Variants in LGALS2 observed in about 807,000 individuals in gnomAD.
LGALS2 encodes the protein galectin-2.
A neutral mutation model predicts 10.1 loss-of-function variants in LGALS2; 7 were observed. The observed-to-expected ratio is 0.70, with a 90% CI of 0.40 to 1.31. LGALS2 has a LOEUF of 1.31. Among genes scored for constraint, LGALS2 ranks in the 50% most tolerant of loss-of-function variants. The pLI is 0.01. For synonymous variants in LGALS2, 86 were observed against 64.2 expected (o/e 1.34, Z -1.63); for missense variants, 167 against 163.6 (o/e 1.02, Z -0.11).
chr22:37,579,790 G>A (rs1311534570), intron 1 of LGALS2, 110 bp downstream of exon 1: 4 of 1,191,608 alleles, frequency 3.4e-6, no homozygotes, highest in Admixed American at 2.3e-5. Flanking sequence ...GCACAGATGG[G>A]GAAACTGAGG....
chr22:37,571,965 C>T (rs1387179446), intron 1 of LGALS2, 34 bp from the exon 2 acceptor site: 3 of 1,569,422 alleles, frequency 1.9e-6, no homozygotes, highest in South Asian at 1.1e-5. Flanking sequence ...ACTCGAGTCC[C>T]CACAGAAAAT....
intron 2 of LGALS2, 26 bp from the exon 3 acceptor site, chr22:37,570,761 G>A (rs1301643560): frequency 4.3e-6 from 7 of 1,613,918 alleles, no homozygotes; most frequent in Non-Finnish European, 5.9e-6. Context: ...TAGCAGGTGA[G>A]GTTCAGGGCT....
At chr22:37,579,263 A>ACAAAAG in intron 1 of LGALS2, among the ~76,000 whole-genome samples, 1 of 121,278 alleles carries the variant, frequency 8.2e-6, no homozygotes, top group South Asian at 2.8e-4. Flanking sequence ...AAAAAAAAAA[A>ACAAAAG]AGAGAAAGAA....
chr22:37,570,596 T>C lies in LGALS2; in HGVS notation c.229A>G (p.Ser77Gly). 6.2e-7 allele frequency: 1 copy of C among 1,614,252 alleles called. No homozygotes were observed. Among genetic ancestry groups the C allele is most frequent in the Non-Finnish European group, 8.5e-7 (1 of 1,180,050 alleles). Residue 77 changes from serine to glycine, a missense_variant, in exon 3 of 4, where the codon AGC becomes GGC. By Grantham distance (56) the Ser-to-Gly change is moderately conservative. Transcript: ENST00000215886. ...CTCACCTTGACCTCTGACCCTGGGC[T>C]GAAGCACAGGTGATCTTCCCGTTGT... ...QEQREDHLCFSPGSEVKFTVT... is the reference protein window; with the variant it reads ...QEQREDHLCFGPGSEVKFTVT...
intron 1 of LGALS2, among the ~76,000 whole-genome samples, chr22:37,574,730 C>T (rs1925615885): frequency 6.6e-6 from 1 of 151,982 alleles, no homozygotes; most frequent in South Asian, 2.1e-4. Flanking sequence ...TGCCAGAAGT[C>T]AAGGGGGCAG....
At chr22:37,570,873 G>A in intron 2 of LGALS2, 138 bp from the exon 3 acceptor site, 1 of 900,872 alleles carries the variant, frequency 1.1e-6, no homozygotes, top group East Asian at 2.6e-5. Flanking sequence ...AAACAAGGGA[G>A]GTAACAACCT....
At chr22:37,579,841 C>A in intron 1 of LGALS2, 59 bp downstream of exon 1, 1 of 1,575,780 alleles carries the variant, frequency 6.3e-7, no homozygotes, top group African/African-American at 1.3e-5. Flanking sequence ...AAAGCCCCCA[C>A]CCAGGCAAAG....
At position 37,579,484 on chromosome 22, in the gene LGALS2, G is replaced by C. The variant is rs371616137; in HGVS notation, c.6+416C>G. Among the ~76,000 whole-genome samples, 148 of 152,142 alleles carry C rather than the reference G, an allele frequency of 9.7e-4. 2 individuals carry two copies. Among genetic ancestry groups the C allele is most frequent in the African/African-American group, 3.2e-3 (133 of 41,526 alleles). On this transcript the variant is annotated intron_variant, in intron 1 of 3. Coordinates refer to ENST00000215886, the MANE Select transcript of LGALS2 (RefSeq NM_006498.3). ...TCTCACTCTTGTTGCCCAGGCTGGAGTGCAATGGCACAATCTCGGCTCACC... is the reference window on the plus strand; with the variant it reads ...TCTCACTCTTGTTGCCCAGGCTGGACTGCAATGGCACAATCTCGGCTCACC...
At chr22:37,577,532 C>CTTTTTTTTT (rs10674228) in intron 1 of LGALS2, among the ~76,000 whole-genome samples, 5 of 147,096 alleles carry the variant, frequency 3.4e-5, no homozygotes, top group African/African-American at 5.0e-5. Context: ...TTTTCTTCTT[C>CTTTTTTTTT]TTCTTCTTTT....
At chr22:37,572,967 A>T (rs1183144983) in intron 1 of LGALS2, among the ~76,000 whole-genome samples, 1 of 145,020 alleles carries the variant, frequency 6.9e-6, no homozygotes, top group Non-Finnish European at 1.5e-5. Flanking sequence ...GTGACTTTTC[A>T]TCTCAAAGAA....
intron 1 of LGALS2, among the ~76,000 whole-genome samples, chr22:37,572,133 G>T (rs1205168398): frequency 6.6e-6 from 1 of 152,164 alleles, no homozygotes; most frequent in Non-Finnish European, 1.5e-5. Flanking sequence ...CCCACTCCCT[G>T]CCCTGTTTTG....
chr22:37,572,071 A>C (rs1925515521), intron 1 of LGALS2, 140 bp from the exon 2 acceptor site: 3 of 694,684 alleles, frequency 4.3e-6, no homozygotes, highest in Non-Finnish European at 7.7e-6. Context: ...GAGACCACCA[A>C]GCTGGAAAGT....
chr22:37,579,297 T>C (rs527595454), intron 1 of LGALS2, among the ~76,000 whole-genome samples: 2 of 144,812 alleles, frequency 1.4e-5, no homozygotes, highest in African/African-American at 2.6e-5. Context: ...AATTAGCCAG[T>C]GTGGTAGTGA....
In LGALS2 at chr22:37,574,244, G is replaced by A. The variant is rs199787490; in HGVS notation, c.7-2313C>T. ...AAGCTCATTACCCAGGGCTGGGAGC[G>A]GTGGCTCACGCCTGTAATCCCAGCA... On this transcript the variant is annotated intron_variant, in intron 1 of 3. Coordinates refer to ENST00000215886, the MANE Select transcript of LGALS2 (RefSeq NM_006498.3). 6.1e-3 allele frequency among the ~76,000 whole-genome samples: 925 copies of A among 152,124 alleles called. 4 individuals carry two copies. The highest frequency in any genetic ancestry group is 0.021 in the African/African-American group (883 of 41,520).
At chr22:37,578,606 AG>A (rs2145824310) in intron 1 of LGALS2, 1 of 152,288 alleles carries the variant, frequency 6.6e-6, no homozygotes, top group East Asian at 1.9e-4. Flanking sequence ...CCTTGAACCC[AG>A]GAGTTTGATA....
intron 1 of LGALS2, among the ~76,000 whole-genome samples, chr22:37,575,562 G>A (rs1925648398): frequency 6.6e-6 from 1 of 151,642 alleles, no homozygotes; most frequent in Admixed American, 6.6e-5. Flanking sequence ...TTGGGCTCAA[G>A]CAATCCTCCC....
Position 37,570,285 on chromosome 22 carries a change from G to T in LGALS2, c.377C>A (p.Ser126Tyr). ...CTTTTATTCTTTTAACTTGAAAGAG[G>T]ACATGTTGAACCCGCCCCTTACGCT... ...YLSVRGGFNM[S>Y]SFKLKE The change falls in exon 4 of 4, where the codon TCC becomes TAC. Residue 126 changes from serine to tyrosine, a missense_variant. By Grantham distance (144) the Ser-to-Tyr change is moderately radical. Transcript: ENST00000215886. 2 of 1,608,684 alleles carry T rather than the reference G, an allele frequency of 1.2e-6. No individual in the cohort carries two copies. The highest frequency in any genetic ancestry group is 1.7e-6 in the Non-Finnish European group (2 of 1,175,702).
chr22:37,570,947 G>A (rs1925480000), intron 2 of LGALS2, among the ~76,000 whole-genome samples: 1 of 152,218 alleles, frequency 6.6e-6, no homozygotes, highest in South Asian at 2.1e-4. Flanking sequence ...TTGAGAGAAG[G>A]GTAACTGATA....
chr22:37,576,222 G>C (rs940796841), intron 1 of LGALS2, among the ~76,000 whole-genome samples: 2 of 152,058 alleles, frequency 1.3e-5, no homozygotes, highest in African/African-American at 4.8e-5. Context: ...GGAGGCCGAG[G>C]GGGGCGGATC....
Sources: gnomAD v4.1 joint callset for allele counts (sites outside exome capture counted in the v4.1 genomes callset) on GRCh38, gnomAD v4.1.1 for gene constraint, MANE v1.5 for transcripts, NCBI Gene and HGNC (gene_info 2026-07-23, HGNC 2026-07-21) for gene names.